TBC1D5: variants seen among roughly 807,000 people sequenced by gnomAD.
TBC1D5 encodes TBC1 domain family, member 5.
A neutral mutation model predicts 100.3 loss-of-function variants in TBC1D5; 75 were observed. That is an observed-to-expected ratio of 0.75 (90% CI 0.62 to 0.91). The LOEUF is 0.91. Ranked by LOEUF, TBC1D5 falls within the 40% of genes least tolerant of loss-of-function variation. The probability of loss-of-function intolerance (pLI) is 0.00; values close to 1 mark genes in which losing one functional copy is unlikely to be tolerated. For synonymous variants in TBC1D5, 323 were observed against 325.6 expected (o/e 0.99, Z 0.09); for missense variants, 910 against 942.4 (o/e 0.97, Z 0.45).
chr3:17,366,419 TAATTA>T (rs2092132980), intron 13 of TBC1D5, among the ~76,000 whole-genome samples: 1 of 152,182 alleles, frequency 6.6e-6, no homozygotes, highest in Non-Finnish European at 1.5e-5. Context: ...TTCAAATATT[TAATTA>T]TTCTTCCCCA....
intron 1 of TBC1D5, among the ~76,000 whole-genome samples, chr3:17,708,524 TG>T (rs963297749): frequency 1.3e-5 from 2 of 152,162 alleles, no homozygotes; most frequent in African/African-American, 4.8e-5. Context: ...TCTTTTATTA[TG>T]GGGGGGTCTG....
At chr3:17,454,653 G>A (rs1224565869) in intron 3 of TBC1D5, among the ~76,000 whole-genome samples, 3 of 151,898 alleles carry the variant, frequency 2.0e-5, no homozygotes, top group East Asian at 1.9e-4. Context: ...GTAGAGATGG[G>A]GTTTCACCAT....
intron 13 of TBC1D5, among the ~76,000 whole-genome samples, chr3:17,309,322 T>A (rs970389162): frequency 1.1e-4 from 17 of 152,044 alleles, no homozygotes; most frequent in African/African-American, 2.2e-4. Flanking sequence ...CAAGTTTTTT[T>A]ATTCACATTC....
At chr3:17,619,966 T>C (rs1396842414) in intron 2 of TBC1D5, among the ~76,000 whole-genome samples, 1 of 152,192 alleles carries the variant, frequency 6.6e-6, no homozygotes, top group Non-Finnish European at 1.5e-5. Flanking sequence ...AAAATTCCAT[T>C]TCTCACCTAT....
intron 1 of TBC1D5, among the ~76,000 whole-genome samples, chr3:17,642,596 C>T (rs949863110): frequency 6.6e-6 from 1 of 152,094 alleles, no homozygotes; most frequent in Admixed American, 6.6e-5. Context: ...GGCCAATTAA[C>T]ATCTCTTTAG....
intron 3 of TBC1D5, among the ~76,000 whole-genome samples, chr3:17,487,576 T>C (rs747327109): frequency 1.2e-4 from 18 of 152,242 alleles, no homozygotes; most frequent in Non-Finnish European, 2.2e-4. Flanking sequence ...CTGAGAACTA[T>C]AAACCAAAAA....
intron 19 of TBC1D5, among the ~76,000 whole-genome samples, chr3:17,170,247 G>T (rs1575716629): frequency 6.6e-6 from 1 of 152,214 alleles, no homozygotes; most frequent in African/African-American, 2.4e-5. Context: ...CCTCTGCTGA[G>T]CTGAGAGGTG....
chr3:17,249,803 C>T (rs527418396), intron 16 of TBC1D5, among the ~76,000 whole-genome samples: 2 of 151,910 alleles, frequency 1.3e-5, no homozygotes, highest in Non-Finnish European at 2.9e-5. Context: ...GAGGAAAGAA[C>T]CAGTTGGTGG....
At chr3:17,483,766 C>T (rs1174511430) in intron 3 of TBC1D5, among the ~76,000 whole-genome samples, 1 of 152,084 alleles carries the variant, frequency 6.6e-6, no homozygotes, top group Admixed American at 6.6e-5. Context: ...TAATAAGTTA[C>T]TTGTGATGTT....
At chr3:17,296,403 G>GA (rs1434906697) in intron 14 of TBC1D5, among the ~76,000 whole-genome samples, 2 of 152,086 alleles carry the variant, frequency 1.3e-5, no homozygotes, top group Non-Finnish European at 2.9e-5. Context: ...CTACATGCAG[G>GA]AAAAAACACA....
At chr3:17,271,344 G>T (rs1179213115) in intron 15 of TBC1D5, among the ~76,000 whole-genome samples, 1 of 152,056 alleles carries the variant, frequency 6.6e-6, no homozygotes, top group Non-Finnish European at 1.5e-5. Context: ...TTGGGAAGAT[G>T]TACTCCTAGA....
At chr3:17,186,865 G>T (rs2069185334) in intron 18 of TBC1D5, among the ~76,000 whole-genome samples, 1 of 151,912 alleles carries the variant, frequency 6.6e-6, no homozygotes, top group African/African-American at 2.4e-5. Context: ...TCCTGCAAGT[G>T]TAGCAGCCTC....
At chr3:17,235,129 A>C (rs1003551986) in intron 17 of TBC1D5, among the ~76,000 whole-genome samples, 1 of 152,140 alleles carries the variant, frequency 6.6e-6, no homozygotes, top group Non-Finnish European at 1.5e-5. Context: ...CTGACAACTC[A>C]TTTTAACATT....
chr3:17,556,769 C>T (rs1270131129), intron 2 of TBC1D5, among the ~76,000 whole-genome samples: 1 of 152,130 alleles, frequency 6.6e-6, no homozygotes, highest in African/African-American at 2.4e-5. Flanking sequence ...TTATACACTA[C>T]AGAACCATTA....
chr3:17,593,845 AG>A (rs957824931), intron 2 of TBC1D5, among the ~76,000 whole-genome samples: 3 of 152,200 alleles, frequency 2.0e-5, no homozygotes, highest in Non-Finnish European at 2.9e-5. Flanking sequence ...ATACTTTGCA[AG>A]GCTTGGGCAA....
chr3:17,158,597 G>C (rs1160781855), exon 22 of TBC1D5: 1 of 152,288 alleles, frequency 6.6e-6, no homozygotes, highest in Non-Finnish European at 1.5e-5. Flanking sequence ...CCTCCAAGGA[G>C]GTGGTGAGCT....
chr3:17,700,690 A>G (rs1393552135), intron 1 of TBC1D5, among the ~76,000 whole-genome samples: 2 of 152,198 alleles, frequency 1.3e-5, no homozygotes, highest in Non-Finnish European at 2.9e-5. Context: ...GACACTTCTC[A>G]AAAGAAGACA....
chr3:17,392,597 G>A (rs567900212), intron 8 of TBC1D5, among the ~76,000 whole-genome samples: 24 of 152,068 alleles, frequency 1.6e-4, no homozygotes, highest in African/African-American at 5.3e-4. Context: ...TCCCACTTAC[G>A]GGTGAGAACA....
At chr3:17,449,026 A>G (rs983680391) in intron 3 of TBC1D5, among the ~76,000 whole-genome samples, 4 of 152,164 alleles carry the variant, frequency 2.6e-5, no homozygotes, top group Admixed American at 2.6e-4. Context: ...TGCATTTTCA[A>G]CTGCGGTACC....
Sources: gnomAD v4.1 joint callset for allele counts (sites outside exome capture counted in the v4.1 genomes callset) on GRCh38, gnomAD v4.1.1 for gene constraint, MANE v1.5 for transcripts, NCBI Gene and HGNC (gene_info 2026-07-23, HGNC 2026-07-21) for gene names.